BDH1: variants seen among roughly 807,000 people sequenced by gnomAD.
The protein encoded by BDH1 is 3-hydroxybutyrate dehydrogenase 1, also known as D-beta-hydroxybutyrate dehydrogenase, mitochondrial.
In BDH1, 30 loss-of-function variants were observed where a neutral mutation model predicts 33.1. The ratio of observed to expected loss-of-function variants is 0.91; its 90% CI spans 0.68 to 1.23. The LOEUF is 1.23. BDH1 is among the 50% of genes most tolerant of loss of function. The pLI is 0.00. For missense variants in BDH1, 443 were observed against 464.4 expected, an observed-to-expected ratio of 0.95 and a Z score of 0.42; for synonymous variants, 190 against 183.6, an observed-to-expected ratio of 1.03 and a Z score of -0.28.
intron 5 of BDH1, among the ~76,000 whole-genome samples, chr3:197,532,032 C>G (rs932556382): frequency 2.6e-5 from 4 of 152,142 alleles, no homozygotes. Context: ...ACAGTCTCGC[C>G]GAACATTCTC....
chr3:197,551,805 G>A (rs1716593302), intron 2 of BDH1, among the ~76,000 whole-genome samples: 1 of 151,942 alleles, frequency 6.6e-6, no homozygotes, highest in Non-Finnish European at 1.5e-5. Flanking sequence ...CTCCTCTTCT[G>A]TCCTTCCCCA....
chr3:197,572,253 C>G (rs1717632755), intron 1 of BDH1, among the ~76,000 whole-genome samples: 1 of 152,152 alleles, frequency 6.6e-6, no homozygotes, highest in Admixed American at 6.5e-5. Context: ...TTTAGCAGGA[C>G]ACAAGATAAG....
chr3:197,518,518 C>A (rs1177690049), intron 6 of BDH1, among the ~76,000 whole-genome samples: 1 of 53,304 alleles, frequency 1.9e-5, no homozygotes, highest in Non-Finnish European at 3.9e-5. Flanking sequence ...CTCCATCCCC[C>A]CCTCAGGCCG....
At chr3:197,540,816 G>C (rs1262193500) in intron 3 of BDH1, among the ~76,000 whole-genome samples, 1 of 152,138 alleles carries the variant, frequency 6.6e-6, no homozygotes, top group East Asian at 1.9e-4. Context: ...TATTATACCA[G>C]GCTCTACCAC....
At chr3:197,566,597 T>C (rs1335179953) in intron 1 of BDH1, among the ~76,000 whole-genome samples, 3 of 152,236 alleles carry the variant, frequency 2.0e-5, no homozygotes, top group Non-Finnish European at 2.9e-5. Context: ...CTGCATTGTA[T>C]ACAAATAATT....
chr3:197,557,458 CTG>C (rs1262107782), upstream of BDH1, among the ~76,000 whole-genome samples: 2 of 152,162 alleles, frequency 1.3e-5, no homozygotes, highest in Non-Finnish European at 2.9e-5. This position sits in a 1 kb window ranked among gnomAD's most constrained non-coding sequence, Gnocchi z 4.6. Flanking sequence ...TTAAAGAAAA[CTG>C]TAGACCGGGT....
intron 5 of BDH1, among the ~76,000 whole-genome samples, chr3:197,527,563 G>A (rs1023703258): frequency 9.2e-5 from 14 of 152,116 alleles, no homozygotes; most frequent in African/African-American, 3.4e-4. Context: ...GTGGTGAGAC[G>A]CCACCTCTCA....
At chr3:197,550,824 G>C (rs1389106977) in intron 2 of BDH1, among the ~76,000 whole-genome samples, 1 of 152,228 alleles carries the variant, frequency 6.6e-6, no homozygotes, top group African/African-American at 2.4e-5. Flanking sequence ...AAGCCATGCT[G>C]TGCCTTTACA....
At chr3:197,553,984 C>G (rs1716783986) in intron 2 of BDH1, among the ~76,000 whole-genome samples, 1 of 152,202 alleles carries the variant, frequency 6.6e-6, no homozygotes, top group African/African-American at 2.4e-5. Context: ...AACCCGAGGA[C>G]ACAAGCTGAG....
intron 7 of BDH1, among the ~76,000 whole-genome samples, chr3:197,513,158 G>T (rs1712262601): frequency 6.6e-6 from 1 of 152,226 alleles, no homozygotes; most frequent in Non-Finnish European, 1.5e-5. Flanking sequence ...CCCTCCAAAG[G>T]CCACAGGCCC....
At chr3:197,573,140 C>T (rs2686110) in intron 1 of BDH1, 23,779 of 152,226 alleles carry the variant, frequency 0.16, 2,185 homozygotes, top group Non-Finnish European at 0.2. Flanking sequence ...GCTGACCGCT[C>T]TCAGTGACAG....
At position 197,522,793 on chromosome 3, in the gene BDH1, A is replaced by G. The variant is rs746776123; in HGVS notation, c.268-12T>C. ...TCATGGCCTTTGTCCTGGGGAGGAG[A>G]GAAGAGCTGCTTCTACCTCCTTCCT... On this transcript the variant is annotated splice_polypyrimidine_tract_variant and intron_variant, in intron 5 of 7. Coordinates refer to ENST00000392379, the MANE Select transcript of BDH1 (RefSeq NM_203314.3). The surrounding 1 kb of genome is among the most constrained non-coding windows in gnomAD (Gnocchi z 4.8). 7.4e-6 allele frequency: 12 copies of G among 1,612,650 alleles called. 1 individual carries two copies. The South Asian group carries it at 1.2e-4, about 16-fold the overall frequency.
Position 197,554,487 on chromosome 3 carries a change from C to T in BDH1, c.-44+75G>A, listed in dbSNP as rs1485318757. 6.6e-6 allele frequency: 1 copy of T among 152,212 alleles called. No homozygotes were observed. The highest frequency in any genetic ancestry group is 1.5e-5 in the Non-Finnish European group (1 of 68,062). 9.4% of individuals were successfully genotyped at this position (152,212 alleles called of 1,614,324 possible). A position where few individuals can be genotyped will look rare whatever the true frequency, so the allele number is the denominator to read the frequency against. ...CTTCACAAATTTCAAGGGTCAGCTT[C>T]CTTGGCGGCCAGGGATATATACGCC... is the stretch of plus-strand genomic sequence containing the variant. On this transcript the variant is annotated intron_variant, in intron 2 of 7. Transcript: ENST00000392379. This position sits in a 1 kb window ranked among gnomAD's most constrained non-coding sequence, Gnocchi z 4.4.
chr3:197,560,211 T>G (rs1470402723), upstream of BDH1, among the ~76,000 whole-genome samples: 3 of 152,208 alleles, frequency 2.0e-5, no homozygotes, highest in Non-Finnish European at 2.9e-5. Context: ...AAGCAAAATT[T>G]ATTCAAAGAC....
chr3:197,569,577 T>C (rs1327833311), intron 1 of BDH1, among the ~76,000 whole-genome samples: 1 of 152,172 alleles, frequency 6.6e-6, no homozygotes, highest in Admixed American at 6.5e-5. Context: ...CCCATACTTT[T>C]CTCGTGGTAG....
upstream of BDH1, among the ~76,000 whole-genome samples, chr3:197,559,800 C>T (rs1245940252): frequency 1.3e-5 from 2 of 152,248 alleles, no homozygotes; most frequent in Non-Finnish European, 2.9e-5. Context: ...GTTAAGGGGT[C>T]AGACAAAGCC....
rs555624854 is a variant in BDH1, at chr3:197,568,279, A to G, written c.-44+4902T>C. Among the ~76,000 whole-genome samples the G allele has an allele frequency of 8.7e-4, 132 of 151,180 alleles. 2 individuals are homozygous for G. Among genetic ancestry groups the G allele is most frequent in the African/African-American group, 3.1e-3 (125 of 40,754 alleles). On this transcript the variant is annotated intron_variant, in intron 1 of 6. Transcript: ENST00000358186. ...TGTTTTGATGCAATTGAATTTTATT[A>G]AAGTTTTGTGGGTTTTTTTTTTTTG... is the stretch of plus-strand genomic sequence containing the variant.
In BDH1 at chr3:197,514,468, A is replaced by C; in HGVS notation, c.410-52T>G. 1 of 1,495,826 alleles carries C rather than the reference A, an allele frequency of 6.7e-7. No individual in the cohort carries two copies. The highest frequency in any genetic ancestry group is 9.0e-7 in the Non-Finnish European group (1 of 1,115,632). 92.7% of individuals were successfully genotyped at this position (1,495,826 alleles called of 1,614,324 possible). ...TTTACCACATGGGCTTGGCCCAGAC[A>C]TTGCCCATCAGCCTGCAGGCCAGCC... On this transcript the variant is annotated intron_variant, in intron 6 of 7. Coordinates refer to ENST00000392379, the MANE Select transcript of BDH1 (RefSeq NM_203314.3). The surrounding 1 kb of genome is among the most constrained non-coding windows in gnomAD (Gnocchi z 4.2).
intron 1 of BDH1, among the ~76,000 whole-genome samples, chr3:197,568,202 C>T (rs2567336): frequency 0.34 from 52,012 of 151,910 alleles, 9,320 homozygotes; most frequent in African/African-American, 0.43. Flanking sequence ...TTCTGCTGGG[C>T]GATAGGGAAT....
Sources: gnomAD v4.1 joint callset for allele counts (sites outside exome capture counted in the v4.1 genomes callset) on GRCh38, gnomAD v4.1.1 for gene constraint, Gnocchi (gnomAD v3.1) non-coding constraint, MANE v1.5 for transcripts, NCBI Gene and HGNC (gene_info 2026-07-23, HGNC 2026-07-21) for gene names.